The following MYO1H variants were observed in gnomAD, a reference collection of about 807,000 sequenced individuals.
The protein encoded by MYO1H is unconventional myosin-Ih.
MYO1H carries 118 observed loss-of-function variants against 149.3 expected under a neutral mutation model. That is an observed-to-expected ratio of 0.79 (90% CI 0.68 to 0.92). The LOEUF (loss-of-function observed/expected upper bound fraction) is 0.92, where lower values mean the gene tolerates loss of function less well. Ranked by LOEUF, MYO1H falls within the 40% of genes least tolerant of loss-of-function variation. MYO1H has a pLI of 0.00. For missense variants in MYO1H, 1,212 were observed against 1,280.7 expected (o/e 0.95, Z 0.82); for synonymous variants, 447 against 465.2 (o/e 0.96, Z 0.50).
intron 21 of MYO1H, 22 bp from the exon 22 acceptor site, chr12:109,436,466 A>G (rs1172472944): frequency 6.3e-7 from 1 of 1,594,756 alleles, no homozygotes; most frequent in Non-Finnish European, 8.6e-7. Context: ...CCATTTCACC[A>G]AAACGTCTGT....
chr12:109,368,383 C>T (rs771067659), intron 1 of MYO1H, among the ~76,000 whole-genome samples: 1 of 152,094 alleles, frequency 6.6e-6, no homozygotes, highest in East Asian at 1.9e-4. Flanking sequence ...AGGCTGGGCA[C>T]GGTGGCTCAT....
the MYO1H span, among the ~76,000 whole-genome samples, chr12:109,338,935 G>T: frequency 6.6e-6 from 1 of 152,214 alleles, no homozygotes; most frequent in East Asian, 1.9e-4. Context: ...AAGCAATAGG[G>T]TTCCTGTTAC....
intron 24 of MYO1H, among the ~76,000 whole-genome samples, chr12:109,440,096 G>A (rs912398592): frequency 9.9e-5 from 15 of 151,222 alleles, no homozygotes; most frequent in Non-Finnish European, 2.1e-4. Context: ...GTGCAGTGGC[G>A]CGATCTTGGC....
At chr12:109,406,698 G>A (rs1436506569) in intron 8 of MYO1H, 91 bp from the exon 9 acceptor site, 3 of 1,222,472 alleles carry the variant, frequency 2.5e-6, no homozygotes, top group East Asian at 2.4e-5. Flanking sequence ...TCCCACCTGG[G>A]TAACAGAGCC....
chr12:109,444,704 T>G (rs944033543), intron 30 of MYO1H, among the ~76,000 whole-genome samples, 175 bp downstream of exon 30: 2 of 152,142 alleles, frequency 1.3e-5, no homozygotes, highest in African/African-American at 4.8e-5. Flanking sequence ...CCGTTTCTAC[T>G]AAGAATACAA....
chr12:109,396,261 T>C (rs1355266920), intron 3 of MYO1H, 123 bp from the exon 4 acceptor site: 2 of 751,628 alleles, frequency 2.7e-6, no homozygotes, highest in African/African-American at 1.8e-5. Context: ...CTCATTGTCC[T>C]TGTACCACAG....
At chr12:109,429,408 A>C (rs888627021) in intron 19 of MYO1H, among the ~76,000 whole-genome samples, 1 of 152,216 alleles carries the variant, frequency 6.6e-6, no homozygotes, top group Non-Finnish European at 1.5e-5. Flanking sequence ...TATGGATTCA[A>C]AATGCTTTTA....
At chr12:109,323,216 C>A in the MYO1H span, among the ~76,000 whole-genome samples, 1 of 152,188 alleles carries the variant, frequency 6.6e-6, no homozygotes, top group Admixed American at 6.5e-5. Context: ...AGAATACCTT[C>A]TAGGTTTTTA....
the MYO1H span, among the ~76,000 whole-genome samples, chr12:109,319,437 G>A: frequency 6.6e-6 from 1 of 152,154 alleles, no homozygotes; most frequent in Non-Finnish European, 1.5e-5. Flanking sequence ...AAAAATGGGA[G>A]TGCTTGTTTA....
intron 31 of MYO1H, chr12:109,446,493 G>T: frequency 1.0e-6 from 1 of 984,674 alleles, no homozygotes. Flanking sequence ...GCCCGGCGCG[G>T]TGGCTCACGC....
chr12:109,382,564 G>T (rs1869224150), intron 1 of MYO1H, among the ~76,000 whole-genome samples: 1 of 152,002 alleles, frequency 6.6e-6, no homozygotes, highest in African/African-American at 2.4e-5. Flanking sequence ...GAATTATTAT[G>T]GTATTCTTTA....
rs1221228161 is a variant in MYO1H, at chr12:109,409,355, T to C, written c.1156-202T>C. On this transcript the variant is annotated intron_variant, in intron 10 of 31. Coordinates refer to ENST00000310903, the Ensembl canonical transcript of MYO1H. ...GGGGAAGGTCTGACTACACAGGTGA[T>C]GGCTATGGAAGCTGCAGTGGGATCT... Among the ~76,000 whole-genome samples, 6 of 146,606 alleles carry C rather than the reference T, an allele frequency of 4.1e-5. No individual in the cohort carries two copies. In the Admixed American group the frequency reaches 4.2e-4, roughly 10 times the overall value.
chr12:109,336,741 C>CT, the MYO1H span, among the ~76,000 whole-genome samples: 1 of 152,190 alleles, frequency 6.6e-6, no homozygotes, highest in Non-Finnish European at 1.5e-5. Context: ...ATACAGAACT[C>CT]TGATTGGCCA....
chr12:109,437,757 G>A (rs1313909720), intron 22 of MYO1H, among the ~76,000 whole-genome samples: 1 of 149,056 alleles, frequency 6.7e-6, no homozygotes, highest in Non-Finnish European at 1.5e-5. Flanking sequence ...CTGAGGATTC[G>A]AAGAAAAGCG....
chr12:109,321,830 A>G, the MYO1H span, among the ~76,000 whole-genome samples: 1 of 152,238 alleles, frequency 6.6e-6, no homozygotes, highest in Non-Finnish European at 1.5e-5. Flanking sequence ...GGAAAATTGT[A>G]ATGCACTTTT....
intron 27 of MYO1H, among the ~76,000 whole-genome samples, 135 bp from the exon 28 acceptor site, chr12:109,443,355 TACACACACACACACACACACACAC>T: frequency 1.3e-5 from 1 of 74,694 alleles, no homozygotes. Flanking sequence ...TGTGTGTATA[TACACACACACACACACACACACAC>T]ACACACACAC....
intron 16 of MYO1H, 51 bp from the exon 17 acceptor site, chr12:109,424,697 G>A (rs1021468237): frequency 9.6e-6 from 14 of 1,459,240 alleles, no homozygotes; most frequent in East Asian, 6.8e-5. Context: ...TGACAGCCCT[G>A]TAGTGATTTC....
chr12:109,406,726 AAAT>A, intron 8 of MYO1H, 60 bp from the exon 9 acceptor site: 5 of 1,515,176 alleles, frequency 3.3e-6, no homozygotes, highest in Non-Finnish European at 3.7e-6. Flanking sequence ...GTCTCTAAAA[AAAT>A]AATAAAAAGC....
At chr12:109,435,148 A>G (rs1784477920) in intron 21 of MYO1H, 35 bp downstream of exon 21, 1 of 1,385,044 alleles carries the variant, frequency 7.2e-7, no homozygotes, top group Non-Finnish European at 1.0e-6. Context: ...TTTCAATAGA[A>G]TATGAAATGA....
Sources: gnomAD v4.1 joint callset for allele counts (sites outside exome capture counted in the v4.1 genomes callset) on GRCh38, gnomAD v4.1.1 for gene constraint, MANE v1.5 for transcripts, NCBI Gene and HGNC (gene_info 2026-07-23, HGNC 2026-07-21) for gene names.